Variants in RUNX1T1 observed in about 807,000 individuals in gnomAD.
The protein encoded by RUNX1T1 is protein CBFA2T1.
A neutral mutation model predicts 62.8 loss-of-function variants in RUNX1T1; 4 were observed. That is an observed-to-expected ratio of 0.06 (90% CI 0.03 to 0.15). The LOEUF is 0.15. RUNX1T1 is among the 10% of genes least tolerant of loss of function. The pLI, the probability that RUNX1T1 is intolerant of heterozygous loss-of-function variation, is 1.00. For synonymous variants in RUNX1T1, 291 were observed against 286.0 expected, an observed-to-expected ratio of 1.02 and a Z score of -0.18; for missense variants, 508 against 754.3, an observed-to-expected ratio of 0.67 and a Z score of 3.82.
intron 9 of RUNX1T1, among the ~76,000 whole-genome samples, chr8:91,975,546 C>T (rs1813735160): frequency 6.7e-6 from 1 of 148,866 alleles, no homozygotes; most frequent in African/African-American, 2.5e-5. Flanking sequence ...TTCTAAGACA[C>T]TGGAATTTTT....
At chr8:91,970,311 A>C (rs964707231) in intron 10 of RUNX1T1, among the ~76,000 whole-genome samples, 3 of 152,136 alleles carry the variant, frequency 2.0e-5, no homozygotes, top group African/African-American at 7.2e-5. Context: ...GTATCTATTA[A>C]ATCCCTTCAA....
At chr8:91,960,064 C>T (rs1810089994) in exon 11 of RUNX1T1, 2 of 634,330 alleles carry the variant, frequency 3.2e-6, no homozygotes, top group South Asian at 2.0e-5. Context: ...CGTTACTGGC[C>T]CTCTGTGTTT....
chr8:92,082,131 C>T (rs1191956916), intron 1 of RUNX1T1, among the ~76,000 whole-genome samples: 10 of 152,046 alleles, frequency 6.6e-5, no homozygotes, highest in South Asian at 4.1e-4. Context: ...GTGATCCGCC[C>T]GCCTCAGCCT....
intron 2 of RUNX1T1, among the ~76,000 whole-genome samples, chr8:92,069,966 T>C (rs533542618): frequency 3.3e-5 from 5 of 152,230 alleles, no homozygotes; most frequent in Non-Finnish European, 5.9e-5. Context: ...CAATTAGTTA[T>C]ATGTTTTCCC....
chr8:91,970,880 A>C (rs1201517489), intron 9 of RUNX1T1, 32 bp from the exon 11 acceptor site: 12 of 1,542,560 alleles, frequency 7.8e-6, no homozygotes, highest in Non-Finnish European at 7.8e-6. Flanking sequence ...CCAGACAAGA[A>C]AACACCTCTC....
chr8:92,032,830 C>A (rs746157513), intron 1 of RUNX1T1, among the ~76,000 whole-genome samples: 1 of 152,016 alleles, frequency 6.6e-6, no homozygotes, highest in African/African-American at 2.4e-5. Context: ...AACAGCCCAA[C>A]AGAACAAAAA....
chr8:91,968,772 C>A (rs1029856831), intron 10 of RUNX1T1, among the ~76,000 whole-genome samples: 2 of 152,174 alleles, frequency 1.3e-5, no homozygotes, highest in African/African-American at 4.8e-5. Context: ...TGTTGAGGCT[C>A]TGCCATTTCC....
chr8:92,029,208 TA>T (rs1825798353), intron 1 of RUNX1T1, among the ~76,000 whole-genome samples: 1 of 152,194 alleles, frequency 6.6e-6, no homozygotes, highest in Non-Finnish European at 1.5e-5. Context: ...AAAGTACTGT[TA>T]GTTTAGTCTT....
At chr8:92,027,176 C>G (rs1429293654) in intron 1 of RUNX1T1, among the ~76,000 whole-genome samples, 1 of 151,382 alleles carries the variant, frequency 6.6e-6, no homozygotes, top group Non-Finnish European at 1.5e-5. Context: ...AATACAGTAG[C>G]CACTAGCCAC....
chr8:91,973,380 C>A (rs561392041), intron 9 of RUNX1T1, among the ~76,000 whole-genome samples: 14 of 151,674 alleles, frequency 9.2e-5, no homozygotes, highest in South Asian at 4.2e-4. Flanking sequence ...AACTTTCCTG[C>A]ATGTTTGAAA....
chr8:91,965,343 G>A (rs1811350986), intron 10 of RUNX1T1, among the ~76,000 whole-genome samples: 1 of 152,104 alleles, frequency 6.6e-6, no homozygotes, highest in Non-Finnish European at 1.5e-5. Context: ...GCCTCTTGTT[G>A]AAATTTCCCC....
rs114258178 is a variant in RUNX1T1 at position 92,086,506 on chromosome 8, G to C, written c.-85-10369C>G. 2.9e-3 allele frequency among the ~76,000 whole-genome samples: 436 copies of C among 152,302 alleles called. 1 individual carries two copies. Among genetic ancestry groups the C allele is most frequent in the African/African-American group, 9.7e-3 (403 of 41,564 alleles). ...CAGTGGTAAATAACAGATCTTTTATGTAACAACCGCATTTTAAGGAACACC... is the reference window on the plus strand; with the variant it reads ...CAGTGGTAAATAACAGATCTTTTATCTAACAACCGCATTTTAAGGAACACC... On this transcript the variant is annotated intron_variant, in intron 1 of 11. Transcript: ENST00000265814.
chr8:91,996,152 C>T (rs1209645242), intron 5 of RUNX1T1, among the ~76,000 whole-genome samples: 1 of 151,882 alleles, frequency 6.6e-6, no homozygotes, highest in African/African-American at 2.4e-5. Context: ...TGTATTATGT[C>T]TTAAGGATTT....
At chr8:92,039,486 T>A (rs543396301) in intron 1 of RUNX1T1, among the ~76,000 whole-genome samples, 92 of 152,328 alleles carry the variant, frequency 6.0e-4, no homozygotes, top group Middle Eastern at 6.8e-3. Context: ...CATATTCTTT[T>A]CAAGCCTTTC....
intron 1 of RUNX1T1, among the ~76,000 whole-genome samples, chr8:92,061,680 G>T (rs4316190): frequency 2.0e-5 from 3 of 152,170 alleles, no homozygotes; most frequent in South Asian, 2.1e-4. Flanking sequence ...CATCTGTGAG[G>T]TGTACAAACT....
chr8:92,056,110 T>C (rs1830990951), intron 1 of RUNX1T1, among the ~76,000 whole-genome samples: 1 of 152,190 alleles, frequency 6.6e-6, no homozygotes, highest in African/African-American at 2.4e-5. Flanking sequence ...CCTAATAACC[T>C]GAGAATCATT....
intron 3 of RUNX1T1, among the ~76,000 whole-genome samples, chr8:92,012,266 A>G (rs1822097045): frequency 6.6e-6 from 1 of 152,144 alleles, no homozygotes; most frequent in Non-Finnish European, 1.5e-5. Flanking sequence ...CTTCCGGTCC[A>G]GTGCAGTGGC....
At chr8:91,958,283 T>C (rs573396975), downstream of RUNX1T1, 63 of 199,860 alleles carry the variant, frequency 3.2e-4, no homozygotes, top group African/African-American at 1.4e-3. Context: ...AACAAGTAGT[T>C]CTGGTCTGGA....
At chr8:92,076,949 T>C (rs1834520292) in intron 1 of RUNX1T1, among the ~76,000 whole-genome samples, 1 of 151,994 alleles carries the variant, frequency 6.6e-6, no homozygotes, top group African/African-American at 2.4e-5. Context: ...TCCAGCACAA[T>C]CATACACATA....
Sources: gnomAD v4.1 joint callset for allele counts (sites outside exome capture counted in the v4.1 genomes callset) on GRCh38, gnomAD v4.1.1 for gene constraint, MANE v1.5 for transcripts, NCBI Gene and HGNC (gene_info 2026-07-23, HGNC 2026-07-21) for gene names.